TBC1D22B: variants seen among roughly 807,000 people sequenced by gnomAD.
TBC1D22B encodes TBC1 domain family member 22B, also known as chromosome 6 open reading frame 197.
TBC1D22B carries 32 observed loss-of-function variants against 69.1 expected under a neutral mutation model. The ratio of observed to expected loss-of-function variants is 0.46; its 90% CI spans 0.35 to 0.62. The LOEUF is 0.62. TBC1D22B is among the 20% of genes least tolerant of loss of function. The pLI is 0.00. For missense variants in TBC1D22B, 462 were observed against 630.9 expected (o/e 0.73, Z 2.87); for synonymous variants, 206 against 229.8 (o/e 0.90, Z 0.94).
Position 37,257,971 on chromosome 6 carries a change from G to A in TBC1D22B, c.54G>A (p.Gly18=). 1 of 1,614,130 alleles carries A rather than the reference G, an allele frequency of 6.2e-7. No individual in the cohort carries two copies. Among genetic ancestry groups the A allele is most frequent in the Non-Finnish European group, 8.5e-7 (1 of 1,180,022 alleles). ...GGAAGAGGAGCGCTAAGCTGCCGGG[G>A]AGGTGAGCCCAGGACGCTGAGAGGG... ...QFWKRSAKLP[G]SIQPVYGAQH... Residue 18 remains glycine (G), a splice_region_variant and synonymous_variant, in exon 1 of 13, where the codon GGG becomes GGA. Coordinates refer to ENST00000373491, the MANE Select transcript of TBC1D22B (RefSeq NM_017772.4).
chr6:37,258,054 G>A, intron 1 of TBC1D22B, 81 bp downstream of exon 1: 1 of 1,498,012 alleles, frequency 6.7e-7, no homozygotes, highest in Non-Finnish European at 9.1e-7. Flanking sequence ...CGGGCCTGGG[G>A]CGCCACAGAG....
At chr6:37,273,547 A>G (rs150414419) in intron 2 of TBC1D22B, among the ~76,000 whole-genome samples, 10 of 152,334 alleles carry the variant, frequency 6.6e-5, no homozygotes, top group African/African-American at 1.9e-4. Flanking sequence ...GGCAAACTTT[A>G]TATACTATTG....
chr6:37,310,632 C>T (rs569975222), intron 8 of TBC1D22B, among the ~76,000 whole-genome samples: 21 of 152,306 alleles, frequency 1.4e-4, no homozygotes, highest in East Asian at 1.3e-3. Flanking sequence ...CGTGCCATTG[C>T]ACTCCAGCCT....
intron 8 of TBC1D22B, among the ~76,000 whole-genome samples, chr6:37,298,646 C>T (rs1039066624): frequency 6.7e-6 from 1 of 150,032 alleles, no homozygotes; most frequent in African/African-American, 2.5e-5. Context: ...CCCGGGTTCA[C>T]GCCATTCTCT....
At chr6:37,258,293 C>T (rs1165487938) in intron 1 of TBC1D22B, 3 of 332,298 alleles carry the variant, frequency 9.0e-6, no homozygotes, top group African/African-American at 2.2e-5. Context: ...TCGGAAGTTC[C>T]TCCCCAGAGC....
intron 12 of TBC1D22B, among the ~76,000 whole-genome samples, chr6:37,330,475 G>A (rs556096852): frequency 2.2e-4 from 33 of 152,110 alleles, no homozygotes; most frequent in South Asian, 1.0e-3. Flanking sequence ...CTGACCTCGC[G>A]ATCCATCCGC....
At chr6:37,307,217 A>G (rs1234703026) in intron 8 of TBC1D22B, among the ~76,000 whole-genome samples, 1 of 152,168 alleles carries the variant, frequency 6.6e-6, no homozygotes, top group Non-Finnish European at 1.5e-5. Context: ...TGAATTCTTG[A>G]CAGTTTTCTT....
chr6:37,332,345 G>C lies in TBC1D22B; in HGVS notation c.*1173G>C, dbSNP rs1024197970. 1 of 152,502 alleles carries C rather than the reference G, an allele frequency of 6.6e-6. No individual in the cohort carries two copies. Among genetic ancestry groups the C allele is most frequent in the South Asian group, 2.1e-4 (1 of 4,820 alleles). The allele number at this position is 152,502 out of a possible 1,614,324, so 9.4% of individuals were successfully genotyped here. On this transcript the variant is annotated 3_prime_UTR_variant, in exon 13 of 13. Transcript: ENST00000373491. ...CTCCCCAGGAAGGGACTGCAGAGGC[G>C]GGCAAGCCCTCTCTATGTGTTTTTA...
At chr6:37,278,087 G>A (rs1766720487) in intron 2 of TBC1D22B, among the ~76,000 whole-genome samples, 1 of 152,090 alleles carries the variant, frequency 6.6e-6, no homozygotes, top group Admixed American at 6.5e-5. Context: ...TTTCTCTACT[G>A]CACTCCATCA....
intron 8 of TBC1D22B, among the ~76,000 whole-genome samples, chr6:37,298,796 C>T (rs56017152): frequency 0.032 from 4,841 of 152,172 alleles, 239 homozygotes; most frequent in African/African-American, 0.11. Flanking sequence ...CCGCCCACCT[C>T]GGCCTCCCAG....
At chr6:37,267,402 TATATA>T (rs1421466986) in intron 1 of TBC1D22B, among the ~76,000 whole-genome samples, 59 of 135,050 alleles carry the variant, frequency 4.4e-4, no homozygotes, top group Middle Eastern at 7.7e-3. Flanking sequence ...TATACACACA[TATATA>T]ATATATATAT....
intron 12 of TBC1D22B, among the ~76,000 whole-genome samples, chr6:37,326,376 CAAAAA>C (rs10651731): frequency 1.7e-5 from 2 of 115,886 alleles, no homozygotes; most frequent in East Asian, 2.5e-4. Flanking sequence ...GACTGCGCCT[CAAAAA>C]AAAAAAAAAA....
At chr6:37,270,967 A>G (rs1224221655) in intron 2 of TBC1D22B, among the ~76,000 whole-genome samples, 5 of 152,140 alleles carry the variant, frequency 3.3e-5, no homozygotes, top group African/African-American at 1.2e-4. Flanking sequence ...ACGAATAGGT[A>G]GAGTACTGAG....
At chr6:37,279,169 G>A in intron 2 of TBC1D22B, 135 bp from the exon 3 acceptor site, 1 of 781,610 alleles carries the variant, frequency 1.3e-6, no homozygotes, top group South Asian at 1.9e-5. Flanking sequence ...GAATGGATGT[G>A]GGCAATTTTT....
intron 8 of TBC1D22B, among the ~76,000 whole-genome samples, chr6:37,294,782 A>G (rs1271403262): frequency 1.3e-5 from 2 of 152,234 alleles, no homozygotes; most frequent in Admixed American, 1.3e-4. Flanking sequence ...ATCACTGTCC[A>G]TTGACAATGA....
At chr6:37,262,993 C>CA (rs1214926890) in intron 1 of TBC1D22B, among the ~76,000 whole-genome samples, 1 of 152,216 alleles carries the variant, frequency 6.6e-6, no homozygotes, top group Non-Finnish European at 1.5e-5. Flanking sequence ...TATTCCATGG[C>CA]ATTCTTTTCT....
chr6:37,310,396 C>T (rs1444429057), intron 8 of TBC1D22B, among the ~76,000 whole-genome samples: 2 of 151,884 alleles, frequency 1.3e-5, no homozygotes, highest in Non-Finnish European at 2.9e-5. Context: ...CGGCTGGGCA[C>T]GGTAGCTCAC....
intron 3 of TBC1D22B, 108 bp downstream of exon 3, chr6:37,279,719 G>T: frequency 2.5e-6 from 3 of 1,207,112 alleles, no homozygotes; most frequent in East Asian, 4.9e-5. Flanking sequence ...TCAACTGGGC[G>T]GTAAATAAAC....
intron 1 of TBC1D22B, among the ~76,000 whole-genome samples, chr6:37,268,831 C>T (rs1056057846): frequency 6.6e-6 from 1 of 152,162 alleles, no homozygotes; most frequent in Non-Finnish European, 1.5e-5. Flanking sequence ...TTCAACATGA[C>T]ATTTGTAAGA....
Sources: allele counts gnomAD v4.1 joint callset (sites outside exome capture counted in the v4.1 genomes callset), GRCh38; gene constraint gnomAD v4.1.1; transcripts MANE v1.5; gene names NCBI Gene and HGNC (gene_info 2026-07-23, HGNC 2026-07-21).